The following RFX1 variants were observed in gnomAD, a reference collection of about 807,000 sequenced individuals.
RFX1 encodes MHC class II regulatory factor RFX1.
RFX1 carries 42 observed loss-of-function variants against 119.6 expected under a neutral mutation model. That is an observed-to-expected ratio of 0.35 (90% CI 0.27 to 0.45). The LOEUF (loss-of-function observed/expected upper bound fraction) is 0.45, where lower values mean the gene tolerates loss of function less well. Ranked by LOEUF, RFX1 falls within the 20% of genes least tolerant of loss-of-function variation. The pLI is 1.00. For synonymous variants in RFX1, 628 were observed against 618.5 expected (o/e 1.02, Z -0.23); for missense variants, 1,118 against 1,368.1 (o/e 0.82, Z 2.88).
At chr19:13,997,625 C>G (rs1040109462) in intron 1 of RFX1, among the ~76,000 whole-genome samples, 1 of 152,246 alleles carries the variant, frequency 6.6e-6, no homozygotes, top group African/African-American at 2.4e-5. Flanking sequence ...GAAACAGGAG[C>G]TTACACTTGC....
At chr19:14,006,695 C>G (rs1975392581), upstream of RFX1, 1 of 152,244 alleles carries the variant, frequency 6.6e-6, no homozygotes, top group Non-Finnish European at 1.5e-5. Context: ...ATGCTCGGCA[C>G]GCAAGGCCGA....
Position 13,972,813 on chromosome 19 carries a change from A to G in RFX1, c.1244T>C (p.Ile415Thr). Residue 415 changes from isoleucine to threonine, a missense_variant, in exon 9 of 21, where the codon ATC becomes ACC. By Grantham distance (89) the Ile-to-Thr change is moderately conservative (BLOSUM62 -1). Coordinates refer to ENST00000254325, the MANE Select transcript of RFX1 (RefSeq NM_002918.5). ...GGGSGAGTYV[I>T]QGGYMLGSAS... ...ACTGCCCAGCATGTAGCCGCCTTGG[A>G]TCACGTAGGTGCCTGCTCCGCTGCC... 2 of 1,607,280 alleles carry G rather than the reference A, an allele frequency of 1.2e-6. No individual in the cohort carries two copies. Among genetic ancestry groups the G allele is most frequent in the Non-Finnish European group, 1.7e-6 (2 of 1,177,702 alleles).
chr19:13,971,137 C>G (rs1175271771), intron 9 of RFX1, among the ~76,000 whole-genome samples: 1 of 151,944 alleles, frequency 6.6e-6, no homozygotes, highest in Non-Finnish European at 1.5e-5. Context: ...AGTTAGAGAC[C>G]AGCCTGGCCA....
chr19:13,966,771 C>T lies in RFX1; in HGVS notation c.1733-20G>A, dbSNP rs546208347. ...AGGCATCTAGGGGGCCGGGGGGAACCGTGAGGCCCTTCATCCCCCTTGCCT... is the reference window on the plus strand; with the variant it reads ...AGGCATCTAGGGGGCCGGGGGGAACTGTGAGGCCCTTCATCCCCCTTGCCT... On this transcript the variant is annotated intron_variant, in intron 12 of 20. Coordinates refer to ENST00000254325, the MANE Select transcript of RFX1 (RefSeq NM_002918.5). The surrounding 1 kb of genome is among the most constrained non-coding windows in gnomAD (Gnocchi z 6.3). 3.6e-5 allele frequency: 56 copies of T among 1,543,048 alleles called. 1 individual carries two copies. The Middle Eastern group carries it at 8.7e-4, about 24-fold the overall frequency.
chr19:13,987,544 C>T (rs541799100), intron 2 of RFX1, among the ~76,000 whole-genome samples: 90 of 152,272 alleles, frequency 5.9e-4, no homozygotes, highest in Non-Finnish European at 1.8e-4. Context: ...GTCAGTTACT[C>T]CTGCTTCCCC....
chr19:13,970,292 T>A, intron 9 of RFX1, 117 bp from the exon 10 acceptor site: 1 of 810,614 alleles, frequency 1.2e-6, no homozygotes, highest in Non-Finnish European at 1.9e-6. Context: ...CACGCCCACA[T>A]AAGTTAGCAC....
Position 13,963,161 on chromosome 19 carries a change from G to C in RFX1, c.2685C>G (p.Ala895=). Residue 895 remains alanine (A), a synonymous_variant, in exon 19 of 21, where the codon GCC becomes GCG. Coordinates refer to ENST00000254325, the MANE Select transcript of RFX1 (RefSeq NM_002918.5). Reference sequence around the variant, plus strand: ...CGATGGGGGTCTCGCCCTTGGCCTGGGCTACGCGGTGCTCGATCAGGTAGT... The same window carrying C: ...CGATGGGGGTCTCGCCCTTGGCCTGCGCTACGCGGTGCTCGATCAGGTAGT... The part of the protein sequence containing the change: ...YMYYLIEHRV[A]QAKGETPIAV... The C allele has an allele frequency of 6.2e-7, 1 of 1,612,532 alleles. No homozygotes were observed. The highest frequency in any genetic ancestry group is 8.5e-7 in the Non-Finnish European group (1 of 1,179,380).
rs183473373 is a variant in RFX1 at position 14,000,306 on chromosome 19, C to T, written c.-53+5797G>A. Among the ~76,000 whole-genome samples, 420 of 152,082 alleles carry T rather than the reference C, an allele frequency of 2.8e-3. 3 individuals carry two copies. Among genetic ancestry groups the T allele is most frequent in the African/African-American group, 9.8e-3 (405 of 41,504 alleles). Reference sequence around the variant, plus strand: ...TTTGAAGCCAGTCTAGCCAACATGGCGAAACCCCGTCTCTACTAAAAATAC... The same window carrying T: ...TTTGAAGCCAGTCTAGCCAACATGGTGAAACCCCGTCTCTACTAAAAATAC... On this transcript the variant is annotated intron_variant, in intron 1 of 20. Transcript: ENST00000254325.
chr19:13,990,534 T>A lies in RFX1; in HGVS notation c.319+2991A>T, dbSNP rs959261598. On this transcript the variant is annotated intron_variant, in intron 2 of 20. Coordinates refer to ENST00000254325, the MANE Select transcript of RFX1 (RefSeq NM_002918.5). The surrounding 1 kb of genome is among the most constrained non-coding windows in gnomAD (Gnocchi z 4.1). Reference sequence around the variant, plus strand: ...TGTCTCTACAAAAAAATTAAAAGATTAGGCCGGGCGCGGTGGCTCACGCCT... The same window carrying A: ...TGTCTCTACAAAAAAATTAAAAGATAAGGCCGGGCGCGGTGGCTCACGCCT... Among the ~76,000 whole-genome samples the A allele has an allele frequency of 2.0e-5, 3 of 151,914 alleles. No homozygotes were observed. Among genetic ancestry groups the A allele is most frequent in the Non-Finnish European group, 4.4e-5 (3 of 67,988 alleles).
chr19:13,973,046 C>A lies in RFX1; in HGVS notation c.1011G>T (p.Thr337=). The change falls in exon 9 of 21, where the codon ACG becomes ACT. Residue 337 remains threonine (T), a synonymous_variant. Transcript: ENST00000254325. ...ASTSYYEAAG[T]ATQVSTPATS... ...TGGCGGGGGTGCTGACCTGGGTGGC[C>A]GTGCCTGCGGCCTCGTAGTAGCTGG... 6.2e-7 allele frequency: 1 copy of A among 1,601,696 alleles called. No individual in the cohort carries two copies.
At chr19:13,975,465 C>T (rs1410925617) in intron 8 of RFX1, among the ~76,000 whole-genome samples, 2 of 151,940 alleles carry the variant, frequency 1.3e-5, no homozygotes, top group Non-Finnish European at 2.9e-5. Context: ...CGCACAGGCC[C>T]GAGTGGTTGT....
At chr19:13,979,366 G>C in intron 7 of RFX1, 81 bp downstream of exon 7, 1 of 905,398 alleles carries the variant, frequency 1.1e-6, no homozygotes, top group Non-Finnish European at 1.6e-6. Context: ...TTCCCTCCCT[G>C]CGGCCTCAGG....
intron 1 of RFX1, among the ~76,000 whole-genome samples, chr19:13,995,064 C>G (rs1355048723): frequency 6.6e-6 from 1 of 151,032 alleles, no homozygotes; most frequent in East Asian, 2.0e-4. Context: ...AGCCACCACG[C>G]CCGGCCTATT....
In RFX1 at chr19:13,980,785, G is replaced by A; in HGVS notation, c.622-96C>T. ...ACACCCTTCTCAGGAGAGCTGTCTG[G>A]GGAGGGCGGCAGTCTGTGGGGACCT... On this transcript the variant is annotated intron_variant, in intron 5 of 20. Transcript: ENST00000254325. The surrounding 1 kb of genome is among the most constrained non-coding windows in gnomAD (Gnocchi z 5.1). The A allele has an allele frequency of 2.3e-6, 1 of 428,176 alleles. No homozygotes were observed. The highest frequency in any genetic ancestry group is 3.8e-6 in the Non-Finnish European group (1 of 263,446). The allele number at this position is 428,176 out of a possible 1,614,324, so 26.5% of individuals were successfully genotyped here.
chr19:13,985,856 CGCA>C lies in RFX1; in HGVS notation c.320-2264_320-2262del, dbSNP rs1974575125. On this transcript the variant is annotated intron_variant, in intron 2 of 20. Transcript: ENST00000254325. The surrounding 1 kb of genome is among the most constrained non-coding windows in gnomAD (Gnocchi z 4.3). The stretch of plus-strand genomic sequence containing the variant: ...TGCAAAGGCCAAGTCAAGGGCAGAG[CGCA>C]GGAGTGTGTGTTGGGGGCGGGGGTT... 6.6e-6 allele frequency among the ~76,000 whole-genome samples: 1 copy of C among 151,942 alleles called. No homozygotes were observed. The highest frequency in any genetic ancestry group is 1.5e-5 in the Non-Finnish European group (1 of 67,990).
Position 13,968,990 on chromosome 19 carries a change from A to G in RFX1, c.1497-96T>C. On this transcript the variant is annotated intron_variant, in intron 10 of 20. Transcript: ENST00000254325. This position sits in a 1 kb window ranked among gnomAD's most constrained non-coding sequence, Gnocchi z 5.5. ...GCACACCCGTCTCCTCTCTGTTAGGAGAATGGATAGAGAGACGCCTGCCCT... is the reference window on the plus strand; with the variant it reads ...GCACACCCGTCTCCTCTCTGTTAGGGGAATGGATAGAGAGACGCCTGCCCT... The G allele has an allele frequency of 7.3e-7, 1 of 1,367,184 alleles. No homozygotes were observed. Among genetic ancestry groups the G allele is most frequent in the Admixed American group, 2.1e-5 (1 of 47,130 alleles). The allele number at this position is 1,367,184 out of a possible 1,614,324, so 84.7% of individuals were successfully genotyped here.
Position 13,980,830 on chromosome 19 carries a change from G to A in RFX1, c.622-141C>T, listed in dbSNP as rs1974406908. The A allele has an allele frequency of 1.7e-6, 1 of 578,336 alleles. No individual in the cohort carries two copies. The highest frequency in any genetic ancestry group is 3.1e-6 in the Non-Finnish European group (1 of 325,468). 35.8% of individuals were successfully genotyped at this position (578,336 alleles called of 1,614,324 possible). A position where few individuals can be genotyped will look rare whatever the true frequency, so the allele number is the denominator to read the frequency against. On this transcript the variant is annotated intron_variant, in intron 5 of 20. Coordinates refer to ENST00000254325, the MANE Select transcript of RFX1 (RefSeq NM_002918.5). This position sits in a 1 kb window ranked among gnomAD's most constrained non-coding sequence, Gnocchi z 5.1. ...GGACCTATCCCAACCACCGAGGCTG[G>A]TAACTGACCGCGTCCCACGCATCCA...
At chr19:13,973,174 G>A (rs769008348) in intron 8 of RFX1, 47 bp from the exon 9 acceptor site, 12 of 1,417,804 alleles carry the variant, frequency 8.5e-6, no homozygotes, top group South Asian at 7.1e-5. Flanking sequence ...ATGAGAACTG[G>A]GGGGCCGAGG....
chr19:13,963,820 G>A, intron 17 of RFX1, 38 bp downstream of exon 17: 1 of 1,496,278 alleles, frequency 6.7e-7, no homozygotes, highest in African/African-American at 1.4e-5. Context: ...CCGTTAGGCT[G>A]CCCCTCATTC....
Sources: allele counts gnomAD v4.1 joint callset (sites outside exome capture counted in the v4.1 genomes callset), GRCh38; gene constraint gnomAD v4.1.1; non-coding constraint Gnocchi (gnomAD v3.1); transcripts MANE v1.5; gene names NCBI Gene and HGNC (gene_info 2026-07-23, HGNC 2026-07-21).